Variants in PCDHGA8 observed in about 807,000 individuals in gnomAD.
PCDHGA8 encodes the protein protocadherin gamma subfamily A, 8.
A neutral mutation model predicts 59.2 loss-of-function variants in PCDHGA8; 45 were observed. The observed-to-expected ratio is 0.76, with a 90% CI of 0.60 to 0.98. The LOEUF is 0.98. Ranked by LOEUF, PCDHGA8 falls within the 50% of genes least tolerant of loss-of-function variation. PCDHGA8 has a pLI of 0.00. For synonymous variants in PCDHGA8, 531 were observed against 519.0 expected, an observed-to-expected ratio of 1.02 and a Z score of -0.32; for missense variants, 1,257 against 1,196.2, an observed-to-expected ratio of 1.05 and a Z score of -0.75.
At chr5:141,454,970 G>A (rs2098808431) in intron 1 of PCDHGA8, among the ~76,000 whole-genome samples, 2 of 151,444 alleles carry the variant, frequency 1.3e-5, no homozygotes, top group African/African-American at 4.9e-5. Context: ...ACCACGCCTG[G>A]CTAATTTTTT....
At chr5:141,456,593 G>C (rs917316601) in intron 1 of PCDHGA8, among the ~76,000 whole-genome samples, 2 of 152,168 alleles carry the variant, frequency 1.3e-5, no homozygotes, top group African/African-American at 4.8e-5. Flanking sequence ...CAATAATTTT[G>C]ATTTGATTTT....
In PCDHGA8 at chr5:141,393,918, T is replaced by C; in HGVS notation, c.1105T>C (p.Leu369=). Residue 369 remains leucine (L), a synonymous_variant, in exon 1 of 4, where the codon TTG becomes CTG. Coordinates refer to ENST00000398604, the MANE Select transcript of PCDHGA8 (RefSeq NM_032088.2). Reference sequence around the variant, plus strand: ...TCTTCCCGGGACAGTAATTGCCTTCTTGAGTGTGCATGACCAAGACTCTGG... The same window carrying C: ...TCTTCCCGGGACAGTAATTGCCTTCCTGAGTGTGCATGACCAAGACTCTGG... The part of the protein sequence containing the change: ...NSLPGTVIAF[L]SVHDQDSGKN... The C allele has an allele frequency of 6.2e-7, 1 of 1,613,982 alleles. No homozygotes were observed. Among genetic ancestry groups the C allele is most frequent in the Non-Finnish European group, 8.5e-7 (1 of 1,179,882 alleles).
rs527630741 is a variant in PCDHGA8, at chr5:141,493,568, G to A, written c.2425-1239G>A. ...TTGGAGATTGAGTTCCCCCAGCTCC[G>A]TTTCCTCCTATCACAATCACTGCAT... is the stretch of plus-strand genomic sequence containing the variant. On this transcript the variant is annotated intron_variant, in intron 1 of 3. Coordinates refer to ENST00000398604, the MANE Select transcript of PCDHGA8 (RefSeq NM_032088.2). This position sits in a 1 kb window ranked among gnomAD's most constrained non-coding sequence, Gnocchi z 4.3. 3.9e-5 allele frequency among the ~76,000 whole-genome samples: 6 copies of A among 152,250 alleles called. No homozygotes were observed. Among genetic ancestry groups the A allele is most frequent in the African/African-American group, 9.6e-5 (4 of 41,550 alleles).
At position 141,490,490 on chromosome 5, in the gene PCDHGA8, C is replaced by T; in HGVS notation, c.2425-4317C>T. 1 of 1,614,184 alleles carries T rather than the reference C, an allele frequency of 6.2e-7. No homozygotes were observed. The highest frequency in any genetic ancestry group is 8.5e-7 in the Non-Finnish European group (1 of 1,180,028). The stretch of plus-strand genomic sequence containing the variant: ...AGCCAGCCTTTGGACCGGGAGGCCA[C>T]ATCCCACTATATCATCGAGCTGCTG... On this transcript the variant is annotated intron_variant, in intron 1 of 3. Coordinates refer to ENST00000398604, the MANE Select transcript of PCDHGA8 (RefSeq NM_032088.2). The surrounding 1 kb of genome is among the most constrained non-coding windows in gnomAD (Gnocchi z 5.4).
chr5:141,455,477 C>A (rs557286491), intron 1 of PCDHGA8, among the ~76,000 whole-genome samples: 15 of 152,252 alleles, frequency 9.9e-5, no homozygotes, highest in African/African-American at 2.9e-4. Flanking sequence ...TATGCAGAGG[C>A]TGGTGGAGGT....
At chr5:141,458,386 G>A (rs1037969327) in intron 1 of PCDHGA8, among the ~76,000 whole-genome samples, 3 of 152,188 alleles carry the variant, frequency 2.0e-5, no homozygotes, top group African/African-American at 4.8e-5. Context: ...GAAGGAAGAC[G>A]CTCCCCCTTG....
At chr5:141,430,633 C>T in intron 1 of PCDHGA8, 1 of 868,018 alleles carries the variant, frequency 1.2e-6, no homozygotes, top group Non-Finnish European at 1.7e-6. Context: ...ATGAACCATC[C>T]CTGGGAGTAT....
At chr5:141,497,665 G>A (rs1011161465) in intron 2 of PCDHGA8, among the ~76,000 whole-genome samples, 3 of 151,348 alleles carry the variant, frequency 2.0e-5, no homozygotes, top group South Asian at 2.1e-4. Flanking sequence ...TCAGCCTCCC[G>A]AGTAGCTGGG....
Position 141,490,481 on chromosome 5 carries a change from G to A in PCDHGA8, c.2425-4326G>A, listed in dbSNP as rs771164683. 8.7e-6 allele frequency: 14 copies of A among 1,614,060 alleles called. No homozygotes were observed. The highest frequency in any genetic ancestry group is 4.0e-5 in the African/African-American group (3 of 74,928). ...CTGCTAACCAGCCAGCCTTTGGACCGGGAGGCCACATCCCACTATATCATC... is the reference window on the plus strand; with the variant it reads ...CTGCTAACCAGCCAGCCTTTGGACCAGGAGGCCACATCCCACTATATCATC... On this transcript the variant is annotated intron_variant, in intron 1 of 3. Transcript: ENST00000398604. The surrounding 1 kb of genome is among the most constrained non-coding windows in gnomAD (Gnocchi z 5.4).
Position 141,430,614 on chromosome 5 carries a change from T to C in PCDHGA8, c.2424+35377T>C, listed in dbSNP as rs1030314096. 7.3e-6 allele frequency: 5 copies of C among 680,636 alleles called. No individual in the cohort carries two copies. In the African/African-American group the frequency reaches 7.4e-5, roughly 10 times the overall value. 42.2% of individuals were successfully genotyped at this position (680,636 alleles called of 1,614,324 possible). ...GCACGCGCCTGAAGCACAAAGCAGA[T>C]AGCTAGGAATGAACCATCCCTGGGA... On this transcript the variant is annotated intron_variant, in intron 1 of 3. Transcript: ENST00000398604.
In PCDHGA8 at chr5:141,485,848, C is replaced by A; in HGVS notation, c.2425-8959C>A. The stretch of plus-strand genomic sequence containing the variant: ...GAGGGAACCCGCCGAGATCTGGCAC[C>A]GCAGAGCTCCGGGTATCCGTGCTGG... On this transcript the variant is annotated intron_variant, in intron 1 of 3. Transcript: ENST00000398604. This position sits in a 1 kb window ranked among gnomAD's most constrained non-coding sequence, Gnocchi z 5.7. 1 of 1,614,192 alleles carries A rather than the reference C, an allele frequency of 6.2e-7. No homozygotes were observed. The highest frequency in any genetic ancestry group is 8.5e-7 in the Non-Finnish European group (1 of 1,180,020).
intron 1 of PCDHGA8, among the ~76,000 whole-genome samples, chr5:141,435,696 A>G (rs932132128): frequency 1.3e-5 from 2 of 152,204 alleles, no homozygotes; most frequent in East Asian, 1.9e-4. Context: ...TGCTTATTGT[A>G]GAGTGGTTAC....
At chr5:141,430,220 G>A (rs1216694883) in intron 1 of PCDHGA8, among the ~76,000 whole-genome samples, 1 of 148,674 alleles carries the variant, frequency 6.7e-6, no homozygotes, top group Non-Finnish European at 1.5e-5. Flanking sequence ...TATATTATAT[G>A]ATTTGTCAAA....
intron 1 of PCDHGA8, among the ~76,000 whole-genome samples, chr5:141,465,090 A>G (rs566511602): frequency 6.7e-6 from 1 of 149,576 alleles, no homozygotes; most frequent in Admixed American, 6.7e-5. Flanking sequence ...TCATTTTTCT[A>G]GTAGTTTTTT....
chr5:141,422,926 G>GC, intron 1 of PCDHGA8: 1 of 1,614,230 alleles, frequency 6.2e-7, no homozygotes, highest in African/African-American at 1.3e-5. Context: ...CCTGTACCCT[G>GC]CCCTCCCCAC....
rs1425448852 is a variant in PCDHGA8, at chr5:141,493,717, C to T, written c.2425-1090C>T. Among the ~76,000 whole-genome samples the T allele has an allele frequency of 1.3e-5, 2 of 152,208 alleles. No individual in the cohort carries two copies. The highest frequency in any genetic ancestry group is 3.8e-4 in the East Asian group (2 of 5,202). On this transcript the variant is annotated intron_variant, in intron 1 of 3. Coordinates refer to ENST00000398604, the MANE Select transcript of PCDHGA8 (RefSeq NM_032088.2). This position sits in a 1 kb window ranked among gnomAD's most constrained non-coding sequence, Gnocchi z 4.3. ...CCGATACACCTGGAATGCTAGGTTT[C>T]TGGGTTCTGCTCATATCACTGCCAC...
intron 1 of PCDHGA8, among the ~76,000 whole-genome samples, chr5:141,448,842 G>A (rs943887884): frequency 6.6e-6 from 1 of 152,182 alleles, no homozygotes; most frequent in Non-Finnish European, 1.5e-5. Context: ...CTACTCTGGA[G>A]GCTGAGGCAG....
At position 141,406,382 on chromosome 5, in the gene PCDHGA8, G is replaced by A. The variant is rs189693155; in HGVS notation, c.2424+11145G>A. Reference sequence around the variant, plus strand: ...TTTGTAAGGGTAAACTGATAAAAAGGTAAATGTATTCTTCTTAGAGAAACA... The same window carrying A: ...TTTGTAAGGGTAAACTGATAAAAAGATAAATGTATTCTTCTTAGAGAAACA... On this transcript the variant is annotated intron_variant, in intron 1 of 3. Transcript: ENST00000398604. Among the ~76,000 whole-genome samples, 63 of 152,232 alleles carry A rather than the reference G, an allele frequency of 4.1e-4. 1 individual carries two copies. Among genetic ancestry groups the A allele is most frequent in the African/African-American group, 1.4e-3 (60 of 41,554 alleles).
chr5:141,430,577 C>A, intron 1 of PCDHGA8: 1 of 464,652 alleles, frequency 2.2e-6, no homozygotes. Context: ...AAGCGGAGAT[C>A]CTGCTCGCCT....
Sources: gnomAD v4.1 joint callset for allele counts (sites outside exome capture counted in the v4.1 genomes callset) on GRCh38, gnomAD v4.1.1 for gene constraint, Gnocchi (gnomAD v3.1) non-coding constraint, MANE v1.5 for transcripts, NCBI Gene and HGNC (gene_info 2026-07-23, HGNC 2026-07-21) for gene names.